DIAPH3: variants seen among roughly 807,000 people sequenced by gnomAD.
The protein encoded by DIAPH3 is diaphanous related formin 3, also known as protein diaphanous homolog 3.
Under a neutral mutation model 144.3 loss-of-function variants are expected in DIAPH3, and 117 were observed. The ratio of observed to expected loss-of-function variants is 0.81; its 90% CI spans 0.70 to 0.95. DIAPH3 has a LOEUF of 0.95. Ranked by LOEUF, DIAPH3 falls within the 40% of genes least tolerant of loss-of-function variation. DIAPH3 has a pLI of 0.00. For synonymous variants in DIAPH3, 519 were observed against 488.9 expected, an observed-to-expected ratio of 1.06 and a Z score of -0.81; for missense variants, 1,421 against 1,412.7, an observed-to-expected ratio of 1.01 and a Z score of -0.09.
chr13:59,798,082 C>A (rs1037629199), intron 25 of DIAPH3, among the ~76,000 whole-genome samples: 1 of 152,140 alleles, frequency 6.6e-6, no homozygotes, highest in Non-Finnish European at 1.5e-5. Flanking sequence ...CTCCCTGTCT[C>A]CCCACACCCA....
chr13:59,829,823 G>A (rs1301165705), intron 24 of DIAPH3, among the ~76,000 whole-genome samples: 1 of 151,868 alleles, frequency 6.6e-6, no homozygotes, highest in Admixed American at 6.6e-5. Flanking sequence ...GTCTGAACTT[G>A]AGAGAAAACA....
chr13:60,039,621 T>A lies in DIAPH3; in HGVS notation c.626+3069A>T, dbSNP rs566435717. On this transcript the variant is annotated intron_variant, in intron 5 of 27. Transcript: ENST00000400324. Reference sequence around the variant, plus strand: ...ACTCAGCCTTCCTTCATTTTTTATTTAAATAAATCCTGAACCTACACCAGC... The same window carrying A: ...ACTCAGCCTTCCTTCATTTTTTATTAAAATAAATCCTGAACCTACACCAGC... Among the ~76,000 whole-genome samples, 4 of 152,196 alleles carry A rather than the reference T, an allele frequency of 2.6e-5. No homozygotes were observed. The East Asian group carries it at 7.7e-4, about 29-fold the overall frequency.
intron 27 of DIAPH3, among the ~76,000 whole-genome samples, chr13:59,687,624 T>C (rs1048439417): frequency 2.6e-5 from 4 of 152,000 alleles, no homozygotes; most frequent in African/African-American, 4.8e-5. Flanking sequence ...TGTCTTGAAA[T>C]GATATATTGA....
At chr13:60,133,424 C>T (rs1030540469) in intron 1 of DIAPH3, among the ~76,000 whole-genome samples, 1 of 151,984 alleles carries the variant, frequency 6.6e-6, no homozygotes, top group Non-Finnish European at 1.5e-5. Context: ...TATTATAGAA[C>T]AGTGAAACTT....
At chr13:59,703,146 C>T (rs7327766) in intron 27 of DIAPH3, among the ~76,000 whole-genome samples, 16,485 of 152,152 alleles carry the variant, frequency 0.11, 1,314 homozygotes, top group African/African-American at 0.21. Context: ...TAGCCATAGC[C>T]ACATGTGATG....
intron 20 of DIAPH3, among the ~76,000 whole-genome samples, chr13:59,905,906 T>C (rs2046710554): frequency 6.6e-6 from 1 of 152,200 alleles, no homozygotes; most frequent in Non-Finnish European, 1.5e-5. Flanking sequence ...ACTATTGATC[T>C]CCAGAATTGT....
intron 27 of DIAPH3, among the ~76,000 whole-genome samples, chr13:59,673,959 C>CT (rs145306966): frequency 0.044 from 6,687 of 152,218 alleles, 226 homozygotes; most frequent in South Asian, 0.1. Flanking sequence ...TTCCTGAATT[C>CT]TGTCATTCTA....
intron 1 of DIAPH3, among the ~76,000 whole-genome samples, chr13:60,154,970 T>C (rs1951952330): frequency 6.6e-6 from 1 of 152,224 alleles, no homozygotes; most frequent in African/African-American, 2.4e-5. Context: ...GTTAGACACA[T>C]GTTAATTTAC....
intron 17 of DIAPH3, among the ~76,000 whole-genome samples, chr13:59,943,783 C>T (rs1309705887): frequency 6.6e-6 from 1 of 152,026 alleles, no homozygotes; most frequent in Non-Finnish European, 1.5e-5. Flanking sequence ...CTATCAGAAG[C>T]CCAGTAAAAG....
intron 18 of DIAPH3, 148 bp from the exon 19 acceptor site, chr13:59,916,397 G>A: frequency 1.5e-6 from 1 of 675,846 alleles, no homozygotes; most frequent in Non-Finnish European, 2.6e-6. Context: ...CATATTATGG[G>A]GGAAACTTTC....
intron 17 of DIAPH3, among the ~76,000 whole-genome samples, chr13:59,954,414 AAAT>A (rs2049270983): frequency 6.6e-6 from 1 of 152,142 alleles, no homozygotes; most frequent in Non-Finnish European, 1.5e-5. Context: ...ATATAATCAA[AAAT>A]AATGATAAAA....
chr13:59,920,301 A>G (rs1362054821), intron 18 of DIAPH3, among the ~76,000 whole-genome samples: 6 of 151,882 alleles, frequency 4.0e-5, no homozygotes, highest in African/African-American at 1.4e-4. Context: ...CTGACTATTG[A>G]AGACTAACTT....
At chr13:59,816,936 A>G (rs886858374) in intron 24 of DIAPH3, among the ~76,000 whole-genome samples, 1 of 151,926 alleles carries the variant, frequency 6.6e-6, no homozygotes, top group African/African-American at 2.4e-5. Context: ...GGTATTTTCA[A>G]TATTGTTCAG....
intron 4 of DIAPH3, among the ~76,000 whole-genome samples, chr13:60,074,512 C>G (rs1449222105): frequency 6.6e-6 from 1 of 152,108 alleles, no homozygotes; most frequent in Admixed American, 6.6e-5. Flanking sequence ...AAAATACTAT[C>G]CTGAGATATG....
chr13:59,898,264 A>T (rs1379831837), intron 20 of DIAPH3, among the ~76,000 whole-genome samples: 1 of 152,132 alleles, frequency 6.6e-6, no homozygotes, highest in East Asian at 1.9e-4. Flanking sequence ...ATCTCACCAC[A>T]GCTCTGTGAG....
intron 27 of DIAPH3, among the ~76,000 whole-genome samples, chr13:59,672,921 C>A (rs2032454586): frequency 1.3e-5 from 2 of 152,164 alleles, no homozygotes; most frequent in Admixed American, 6.5e-5. Context: ...ATAATGATAT[C>A]TTTGAATAGA....
chr13:60,109,137 T>A (rs974339182), intron 3 of DIAPH3, among the ~76,000 whole-genome samples: 1 of 151,540 alleles, frequency 6.6e-6, no homozygotes, highest in Non-Finnish European at 1.5e-5. Context: ...AAAGAACACA[T>A]AGAAGGATAT....
intron 1 of DIAPH3, among the ~76,000 whole-genome samples, chr13:60,161,357 G>A (rs543432489): frequency 6.6e-6 from 1 of 152,156 alleles, no homozygotes; most frequent in Admixed American, 6.5e-5. Context: ...TGGTCTCAAA[G>A]ATCCCTCTCC....
intron 17 of DIAPH3, among the ~76,000 whole-genome samples, chr13:59,929,442 T>C (rs2140322779): frequency 8.1e-6 from 1 of 123,316 alleles, no homozygotes; most frequent in East Asian, 1.9e-4. Flanking sequence ...TGCTACATTA[T>C]TCTCTGTGCT....
Sources: allele counts gnomAD v4.1 joint callset (sites outside exome capture counted in the v4.1 genomes callset), GRCh38; gene constraint gnomAD v4.1.1; transcripts MANE v1.5; gene names NCBI Gene and HGNC (gene_info 2026-07-23, HGNC 2026-07-21).